The following QKI variants were observed in gnomAD, a reference collection of about 807,000 sequenced individuals.
QKI encodes the protein KH domain-containing RNA-binding protein QKI.
In QKI, 10 loss-of-function variants were observed where a neutral mutation model predicts 39.0. The observed-to-expected ratio is 0.26, with a 90% CI of 0.16 to 0.43. The LOEUF is 0.43. Among genes scored for constraint, QKI ranks in the 20% least tolerant of loss-of-function variants. The probability of loss-of-function intolerance (pLI) is 1.00; values close to 1 mark genes in which losing one functional copy is unlikely to be tolerated. For missense variants in QKI, 218 were observed against 428.0 expected (o/e 0.51, Z 4.33); for synonymous variants, 204 against 155.4 (o/e 1.31, Z -2.33).
intron 3 of QKI, among the ~76,000 whole-genome samples, chr6:163,528,708 CATT>C (rs1285632209): frequency 3.3e-5 from 5 of 152,104 alleles, no homozygotes; most frequent in Non-Finnish European, 7.4e-5. Flanking sequence ...CCATGATAAT[CATT>C]AATAATTGTG....
chr6:163,526,377 T>C (rs1237962398), intron 3 of QKI, among the ~76,000 whole-genome samples: 1 of 152,226 alleles, frequency 6.6e-6, no homozygotes, highest in Non-Finnish European at 1.5e-5. Flanking sequence ...CCTTGAATTG[T>C]GTATCTTAGA....
intron 1 of QKI, among the ~76,000 whole-genome samples, chr6:163,453,016 C>T (rs1790684166): frequency 6.6e-6 from 1 of 152,174 alleles, no homozygotes; most frequent in African/African-American, 2.4e-5. Context: ...GCATGAGCCA[C>T]TGCGCCCGGC....
In QKI at chr6:163,542,643, C is replaced by T. The variant is rs1395866264; in HGVS notation, c.546+7518C>T. On this transcript the variant is annotated intron_variant, in intron 4 of 7. Coordinates refer to ENST00000361752, the MANE Select transcript of QKI (RefSeq NM_006775.3). ...CTTTGGCACACAATATGCCTGCAGACCTAGACATTTCATAAAGTGTTGAAA... is the reference window on the plus strand; with the variant it reads ...CTTTGGCACACAATATGCCTGCAGATCTAGACATTTCATAAAGTGTTGAAA... Among the ~76,000 whole-genome samples, 4 of 151,978 alleles carry T rather than the reference C, an allele frequency of 2.6e-5. No homozygotes were observed. The East Asian group carries it at 5.8e-4, about 22-fold the overall frequency.
chr6:163,535,209 A>G, intron 4 of QKI, 84 bp downstream of exon 4: 2 of 1,334,660 alleles, frequency 1.5e-6, no homozygotes, highest in Non-Finnish European at 2.0e-6. Flanking sequence ...TTTATAAGGA[A>G]TAGGTTATTG....
chr6:163,570,963 A>G lies in QKI; in HGVS notation c.*253A>G, dbSNP rs2128252960. On this transcript the variant is annotated 3_prime_UTR_variant, in exon 8 of 8. Coordinates refer to ENST00000361752, the MANE Select transcript of QKI (RefSeq NM_006775.3). Reference sequence around the variant, plus strand: ...AACTGCACTGAATAGTAGTAAAGCAATAAGGCCCAATTCATCCCACAGCAC... The same window carrying G: ...AACTGCACTGAATAGTAGTAAAGCAGTAAGGCCCAATTCATCCCACAGCAC... 1 of 409,470 alleles carries G rather than the reference A, an allele frequency of 2.4e-6. No individual in the cohort carries two copies. Among genetic ancestry groups the G allele is most frequent in the Non-Finnish European group, 4.3e-6 (1 of 230,856 alleles). The allele number at this position is 409,470 out of a possible 1,614,324, so 25.4% of individuals were successfully genotyped here. A position where few individuals can be genotyped will look rare whatever the true frequency, so the allele number is the denominator to read the frequency against.
intron 4 of QKI, among the ~76,000 whole-genome samples, chr6:163,545,613 G>A (rs567721220): frequency 1.3e-5 from 2 of 151,934 alleles, no homozygotes; most frequent in Non-Finnish European, 2.9e-5. Flanking sequence ...AAAAAAATAT[G>A]TCTTGTTTCT....
At position 163,576,097 on chromosome 6, in the gene QKI, CTTTA is replaced by C. The variant is rs943605661; in HGVS notation, c.*5392_*5395del. 2.0e-5 allele frequency: 3 copies of C among 152,024 alleles called. No homozygotes were observed. Among genetic ancestry groups the C allele is most frequent in the Non-Finnish European group, 2.9e-5 (2 of 68,016 alleles). The allele number at this position is 152,024 out of a possible 1,614,324, so 9.4% of individuals were successfully genotyped here. A position where few individuals can be genotyped will look rare whatever the true frequency, so the allele number is the denominator to read the frequency against. Reference sequence around the variant, plus strand: ...TACATTGTCACGAATTCCTTAATACCTTTATTTAAAATGGAAAAAATATGGACAA... The same window carrying C: ...TACATTGTCACGAATTCCTTAATACCTTTAAAATGGAAAAAATATGGACAA... On this transcript the variant is annotated 3_prime_UTR_variant, in exon 8 of 8. Coordinates refer to ENST00000361752, the MANE Select transcript of QKI (RefSeq NM_006775.3).
chr6:163,564,260 C>A (rs986837974), intron 6 of QKI: 2 of 1,022,538 alleles, frequency 2.0e-6, no homozygotes, highest in Non-Finnish European at 2.4e-6. Context: ...CTAAGAATTG[C>A]CTTGTCTGGC....
chr6:163,449,917 A>C (rs990462692), intron 1 of QKI, among the ~76,000 whole-genome samples: 3 of 151,818 alleles, frequency 2.0e-5, no homozygotes, highest in Non-Finnish European at 4.4e-5. Flanking sequence ...TCTTAATTCC[A>C]GTGTTCTAGT....
intron 1 of QKI, among the ~76,000 whole-genome samples, chr6:163,419,550 A>G (rs1296726366): frequency 6.6e-6 from 1 of 152,188 alleles, no homozygotes; most frequent in Non-Finnish European, 1.5e-5. Context: ...AGCAAGAAGG[A>G]AGCTACTATT....
chr6:163,569,387 G>T, intron 7 of QKI: 1 of 1,256,614 alleles, frequency 8.0e-7, no homozygotes, highest in Non-Finnish European at 1.0e-6. Context: ...AAGTGGCACA[G>T]AATCTAACTT....
chr6:163,453,262 TTTTC>T (rs371021818), intron 1 of QKI, among the ~76,000 whole-genome samples: 95 of 152,226 alleles, frequency 6.2e-4, no homozygotes, highest in Middle Eastern at 3.4e-3. Context: ...GCATTTTTCT[TTTTC>T]TATTTATTTC....
chr6:163,569,638 G>T, intron 7 of QKI: 3 of 1,001,914 alleles, frequency 3.0e-6, no homozygotes, highest in South Asian at 4.0e-5. Flanking sequence ...ACTACTTTAT[G>T]TTTTACTGTA....
chr6:163,430,354 C>A (rs987516114), intron 1 of QKI, among the ~76,000 whole-genome samples: 1 of 152,036 alleles, frequency 6.6e-6, no homozygotes, highest in East Asian at 1.9e-4. Flanking sequence ...GACTTTGACT[C>A]TCTTTAGGTT....
intron 1 of QKI, among the ~76,000 whole-genome samples, chr6:163,416,148 A>T (rs765554567): frequency 6.6e-6 from 1 of 151,168 alleles, no homozygotes; most frequent in Non-Finnish European, 1.5e-5. Context: ...GCTCCCGGGG[A>T]CGCAGCCGCC....
chr6:163,545,994 A>C (rs1321198802), intron 4 of QKI, among the ~76,000 whole-genome samples: 1 of 148,590 alleles, frequency 6.7e-6, no homozygotes, highest in Non-Finnish European at 1.5e-5. Context: ...ATTAATGTAA[A>C]CTATTTTATA....
intron 1 of QKI, among the ~76,000 whole-genome samples, chr6:163,453,220 C>T (rs1790703476): frequency 6.6e-6 from 1 of 151,572 alleles, no homozygotes; most frequent in African/African-American, 2.4e-5. Flanking sequence ...ACTATTCTTG[C>T]ACTCAGGGTA....
intron 1 of QKI, among the ~76,000 whole-genome samples, chr6:163,448,733 A>G (rs1033608131): frequency 2.6e-5 from 4 of 152,016 alleles, no homozygotes; most frequent in African/African-American, 9.7e-5. Flanking sequence ...GTGAAACTCC[A>G]TCTCAAAAAT....
Position 163,575,595 on chromosome 6 carries a change from T to A in QKI, c.*4885T>A, listed in dbSNP as rs1258969563. Reference sequence around the variant, plus strand: ...CTTAACATGAAAGTAGTTACTCCCATACGCACCAGTGCAGTAGCTCCAGGT... The same window carrying A: ...CTTAACATGAAAGTAGTTACTCCCAAACGCACCAGTGCAGTAGCTCCAGGT... On this transcript the variant is annotated 3_prime_UTR_variant, in exon 8 of 8. Transcript: ENST00000361752. 6.6e-6 allele frequency: 1 copy of A among 152,186 alleles called. No homozygotes were observed. The allele number at this position is 152,186 out of a possible 1,614,324, so 9.4% of individuals were successfully genotyped here. A position where few individuals can be genotyped will look rare whatever the true frequency, so the allele number is the denominator to read the frequency against.
Sources: allele counts gnomAD v4.1 joint callset (sites outside exome capture counted in the v4.1 genomes callset), GRCh38; gene constraint gnomAD v4.1.1; transcripts MANE v1.5; gene names NCBI Gene and HGNC (gene_info 2026-07-23, HGNC 2026-07-21).